ZNF804B: variants seen among roughly 807,000 people sequenced by gnomAD.
ZNF804B encodes zinc finger 804B.
ZNF804B carries 80 observed loss-of-function variants against 101.4 expected under a neutral mutation model. The ratio of observed to expected loss-of-function variants is 0.79; its 90% CI spans 0.66 to 0.95. ZNF804B has a LOEUF of 0.95. Ranked by LOEUF, ZNF804B falls within the 40% of genes least tolerant of loss-of-function variation. The pLI is 0.00. For missense variants in ZNF804B, 1,673 were observed against 1,561.9 expected (o/e 1.07, Z -1.20); for synonymous variants, 622 against 558.8 (o/e 1.11, Z -1.59).
chr7:89,116,424 G>A (rs1790313627), intron 1 of ZNF804B, among the ~76,000 whole-genome samples: 1 of 152,174 alleles, frequency 6.6e-6, no homozygotes, highest in Non-Finnish European at 1.5e-5. Context: ...CTTTGAAAGA[G>A]TGGGTCTCCA....
chr7:88,931,875 A>G (rs1348416536), intron 1 of ZNF804B, among the ~76,000 whole-genome samples: 2 of 151,924 alleles, frequency 1.3e-5, no homozygotes, highest in Admixed American at 1.3e-4. Context: ...CTTGTTAATA[A>G]AAATACAAAA....
At position 89,046,590 on chromosome 7, in the gene ZNF804B, C is replaced by T. The variant is rs149774437; in HGVS notation, c.109-171565C>T. Among the ~76,000 whole-genome samples, 214 of 152,218 alleles carry T rather than the reference C, an allele frequency of 1.4e-3. 1 individual carries two copies. The highest frequency in any genetic ancestry group is 4.9e-3 in the African/African-American group (204 of 41,544). The stretch of plus-strand genomic sequence containing the variant: ...TGGTTAGTTATCTAACCAAATATAC[C>T]TCCTTAAAACATTCAGGCTTGTTAA... On this transcript the variant is annotated intron_variant, in intron 1 of 3. Coordinates refer to ENST00000333190, the MANE Select transcript of ZNF804B (RefSeq NM_181646.5).
At chr7:89,116,252 C>T (rs76056497) in intron 1 of ZNF804B, among the ~76,000 whole-genome samples, 2,791 of 151,960 alleles carry the variant, frequency 0.018, 89 homozygotes, top group African/African-American at 0.064. Flanking sequence ...AAAGTAAAGA[C>T]CGTGATTCTT....
At chr7:89,256,001 C>G (rs944756517) in intron 2 of ZNF804B, among the ~76,000 whole-genome samples, 1 of 151,826 alleles carries the variant, frequency 6.6e-6, no homozygotes, top group Admixed American at 6.6e-5. Flanking sequence ...AACATAATGA[C>G]CTGATTGCAA....
intron 1 of ZNF804B, among the ~76,000 whole-genome samples, chr7:89,159,103 T>A (rs1215696185): frequency 6.6e-6 from 1 of 152,176 alleles, no homozygotes; most frequent in African/African-American, 2.4e-5. Context: ...GGAGTGAATT[T>A]ACTAAGTCAT....
chr7:88,929,507 T>G (rs1186847870), intron 1 of ZNF804B, among the ~76,000 whole-genome samples: 2 of 151,968 alleles, frequency 1.3e-5, no homozygotes, highest in Non-Finnish European at 2.9e-5. Flanking sequence ...CATGGATTAT[T>G]AAACCTTTTA....
intron 1 of ZNF804B, among the ~76,000 whole-genome samples, chr7:89,096,155 A>T (rs370896543): frequency 1.8e-4 from 1 of 5,590 alleles, no homozygotes; most frequent in Non-Finnish European, 3.0e-4. Flanking sequence ...ACTCCATTTA[A>T]AAAAAAAAAA....
chr7:88,935,025 A>G (rs1381365829), intron 1 of ZNF804B, among the ~76,000 whole-genome samples: 1 of 151,714 alleles, frequency 6.6e-6, no homozygotes, highest in Non-Finnish European at 1.5e-5. Flanking sequence ...ATATATAGAT[A>G]TATGTGTGTG....
intron 1 of ZNF804B, among the ~76,000 whole-genome samples, chr7:88,974,821 T>C (rs1325863372): frequency 1.3e-5 from 2 of 151,426 alleles, no homozygotes; most frequent in East Asian, 3.9e-4. Context: ...TATTACAAAA[T>C]GTATAATAAA....
chr7:89,185,709 A>G lies in ZNF804B; in HGVS notation c.109-32446A>G, dbSNP rs147748854. Among the ~76,000 whole-genome samples the G allele has an allele frequency of 3.2e-3, 485 of 152,082 alleles. 4 individuals are homozygous for G. The highest frequency in any genetic ancestry group is 0.014 in the Middle Eastern group (4 of 294). On this transcript the variant is annotated intron_variant, in intron 1 of 3. Coordinates refer to ENST00000333190, the MANE Select transcript of ZNF804B (RefSeq NM_181646.5). ...AAACCTGTCTTACTAAAAATACACA[A>G]ATTAGCCAGATGTGGTGGCTTCTGC...
chr7:89,201,917 A>G (rs1788645929), intron 1 of ZNF804B, among the ~76,000 whole-genome samples: 1 of 152,064 alleles, frequency 6.6e-6, no homozygotes, highest in Non-Finnish European at 1.5e-5. Flanking sequence ...TTAGGTATGT[A>G]CCTGTGTTCC....
intron 1 of ZNF804B, among the ~76,000 whole-genome samples, chr7:88,981,033 G>C (rs1253885942): frequency 6.6e-6 from 1 of 152,032 alleles, no homozygotes; most frequent in Non-Finnish European, 1.5e-5. Context: ...CTAAGACAAA[G>C]TCCTTGTCAC....
chr7:89,063,552 G>C (rs1473582815), intron 1 of ZNF804B, among the ~76,000 whole-genome samples: 1 of 152,136 alleles, frequency 6.6e-6, no homozygotes, highest in East Asian at 1.9e-4. Flanking sequence ...GAAACTGGTA[G>C]TAATCAAGGT....
chr7:88,996,210 T>G (rs776488324), intron 1 of ZNF804B, among the ~76,000 whole-genome samples: 4 of 152,246 alleles, frequency 2.6e-5, no homozygotes, highest in African/African-American at 4.8e-5. Flanking sequence ...TTTCTCTAAC[T>G]GTAGATTGTA....
At chr7:89,323,778 C>G (rs1790855960) in intron 2 of ZNF804B, among the ~76,000 whole-genome samples, 1 of 152,070 alleles carries the variant, frequency 6.6e-6, no homozygotes, top group Admixed American at 6.6e-5. Context: ...TGTAAAGTAG[C>G]ATTTTTTTCT....
intron 1 of ZNF804B, among the ~76,000 whole-genome samples, chr7:88,899,939 T>A (rs1234257787): frequency 1.3e-5 from 2 of 152,178 alleles, no homozygotes; most frequent in South Asian, 2.1e-4. Context: ...TAGGTTAAAA[T>A]GCGTTCAGGA....
intron 1 of ZNF804B, among the ~76,000 whole-genome samples, chr7:88,900,098 C>T (rs961897170): frequency 4.2e-4 from 64 of 151,888 alleles, no homozygotes; most frequent in African/African-American, 1.2e-3. Flanking sequence ...TTTGAGATTA[C>T]GAAAAAGATG....
chr7:89,223,222 C>A (rs1789032623), intron 2 of ZNF804B, among the ~76,000 whole-genome samples: 1 of 151,780 alleles, frequency 6.6e-6, no homozygotes, highest in South Asian at 2.1e-4. Context: ...TGTTGACCTT[C>A]CAAAAATATG....
intron 1 of ZNF804B, among the ~76,000 whole-genome samples, chr7:88,950,972 C>A (rs114542942): frequency 6.6e-6 from 1 of 151,578 alleles, no homozygotes; most frequent in Non-Finnish European, 1.5e-5. Flanking sequence ...TGGTACATAA[C>A]GTACCTCTGA....
Sources: gnomAD v4.1 joint callset for allele counts (sites outside exome capture counted in the v4.1 genomes callset) on GRCh38, gnomAD v4.1.1 for gene constraint, MANE v1.5 for transcripts, NCBI Gene and HGNC (gene_info 2026-07-23, HGNC 2026-07-21) for gene names.